The following OTOF variants were observed in gnomAD, a reference collection of about 807,000 sequenced individuals.
OTOF encodes the protein fer-1-like family member 2.
Under a neutral mutation model 236.8 loss-of-function variants are expected in OTOF, and 218 were observed. The ratio of observed to expected loss-of-function variants is 0.92; its 90% CI spans 0.82 to 1.03. The LOEUF is 1.03. Among genes scored for constraint, OTOF ranks in the 50% least tolerant of loss-of-function variants. The pLI, the probability that OTOF is intolerant of heterozygous loss-of-function variation, is 0.00. For synonymous variants in OTOF, 1,041 were observed against 1,072.5 expected (o/e 0.97, Z 0.57); for missense variants, 2,590 against 2,694.4 (o/e 0.96, Z 0.86).
In OTOF at chr2:26,476,113, G is replaced by C; in HGVS notation, c.2866+15C>G. On this transcript the variant is annotated intron_variant, in intron 23 of 46. Coordinates refer to ENST00000272371, the MANE Select transcript of OTOF (RefSeq NM_194248.3). Reference sequence around the variant, plus strand: ...CCCTCCCAGGTGAGGCTTCGAGTGAGGGGTCCTCACTCACTGGTGTAGACC... The same window carrying C: ...CCCTCCCAGGTGAGGCTTCGAGTGACGGGTCCTCACTCACTGGTGTAGACC... 6.2e-7 allele frequency: 1 copy of C among 1,611,260 alleles called. No individual in the cohort carries two copies. Among genetic ancestry groups the C allele is most frequent in the Non-Finnish European group, 8.5e-7 (1 of 1,179,418 alleles).
chr2:26,491,867 G>A (rs921025317), intron 9 of OTOF, among the ~76,000 whole-genome samples: 4 of 152,244 alleles, frequency 2.6e-5, no homozygotes, highest in African/African-American at 7.2e-5. Flanking sequence ...CCAGAATCCC[G>A]AACTCTCTGA....
chr2:26,458,010 T>G lies in OTOF; in HGVS notation c.*228A>C. 6.2e-7 allele frequency: 1 copy of G among 1,603,400 alleles called. No individual in the cohort carries two copies. Among genetic ancestry groups the G allele is most frequent in the African/African-American group, 1.3e-5 (1 of 74,802 alleles). The stretch of plus-strand genomic sequence containing the variant: ...CCACTGAAAGGAAATGCGGCAGGGC[T>G]GGGGAGCGGCTGGCGGGAGCTGGCG... On this transcript the variant is annotated 3_prime_UTR_variant, in exon 47 of 47. Transcript: ENST00000272371.
intron 3 of OTOF, among the ~76,000 whole-genome samples, chr2:26,520,636 A>G (rs1033867602): frequency 1.1e-4 from 17 of 152,060 alleles, no homozygotes; most frequent in African/African-American, 4.1e-4. Flanking sequence ...AGCTGCATGC[A>G]CCTCTCCCAG....
In OTOF at chr2:26,461,558, G is replaced by A. The variant is rs1034752110; in HGVS notation, c.5533+138C>T. 12 of 1,213,882 alleles carry A rather than the reference G, an allele frequency of 9.9e-6. No individual in the cohort carries two copies. Among genetic ancestry groups the A allele is most frequent in the African/African-American group, 7.5e-5 (5 of 66,970 alleles). The allele number at this position is 1,213,882 out of a possible 1,614,324, so 75.2% of individuals were successfully genotyped here. On this transcript the variant is annotated intron_variant, in intron 43 of 46. Transcript: ENST00000272371. The surrounding 1 kb of genome is among the most constrained non-coding windows in gnomAD (Gnocchi z 6.2). ...GGGTCCTTGGGGGCGGAACCCCGTCGGACACCCCTGGCTCTGATGGACTGG... is the reference window on the plus strand; with the variant it reads ...GGGTCCTTGGGGGCGGAACCCCGTCAGACACCCCTGGCTCTGATGGACTGG...
At chr2:26,505,605 G>A (rs749034934) in intron 5 of OTOF, among the ~76,000 whole-genome samples, 4 of 152,204 alleles carry the variant, frequency 2.6e-5, no homozygotes, top group Admixed American at 6.5e-5. Flanking sequence ...CTCAGAGAGG[G>A]GACAATAATC....
Position 26,470,341 on chromosome 2 carries a change from A to G in OTOF, c.4023+252T>C, listed in dbSNP as rs1664915535. Among the ~76,000 whole-genome samples, 2 of 152,110 alleles carry G rather than the reference A, an allele frequency of 1.3e-5. No homozygotes were observed. The highest frequency in any genetic ancestry group is 2.9e-5 in the Non-Finnish European group (2 of 68,028). On this transcript the variant is annotated intron_variant, in intron 32 of 46. Coordinates refer to ENST00000272371, the MANE Select transcript of OTOF (RefSeq NM_194248.3). The surrounding 1 kb of genome is among the most constrained non-coding windows in gnomAD (Gnocchi z 4.3). ...TAGCACCTAGTATGGAGCCTGGCTC[A>G]TCGCATATACCCAAGAGGCATTTGT...
chr2:26,473,396 C>T lies in OTOF; in HGVS notation c.3570+10G>A. ...GCCACAGGATGTCCTCCGCCAGGGC[C>T]TGCACTCACCACTTCAAACCACTTG... On this transcript the variant is annotated intron_variant, in intron 28 of 46. Transcript: ENST00000272371. The surrounding 1 kb of genome is among the most constrained non-coding windows in gnomAD (Gnocchi z 7.2). 1 of 1,613,384 alleles carries T rather than the reference C, an allele frequency of 6.2e-7. No individual in the cohort carries two copies. The highest frequency in any genetic ancestry group is 8.5e-7 in the Non-Finnish European group (1 of 1,179,990).
Position 26,470,795 on chromosome 2 carries a change from C to A in OTOF, c.3895-74G>T, listed in dbSNP as rs1664938932. On this transcript the variant is annotated intron_variant, in intron 31 of 46. Coordinates refer to ENST00000272371, the MANE Select transcript of OTOF (RefSeq NM_194248.3). The surrounding 1 kb of genome is among the most constrained non-coding windows in gnomAD (Gnocchi z 4.3). ...ACAATCCCGAGAGCCTCCACCCATT[C>A]CGCCATCTGTCAGCAGGAAGCCTTG... The A allele has an allele frequency of 3.8e-6, 6 of 1,574,320 alleles. No homozygotes were observed. The highest frequency in any genetic ancestry group is 5.2e-6 in the Non-Finnish European group (6 of 1,164,802).
chr2:26,510,632 C>T (rs939817), intron 5 of OTOF: 386,366 of 1,036,614 alleles, frequency 0.37, 74,882 homozygotes, highest in East Asian at 0.8. Context: ...ATCCCGCCCT[C>T]CACAGCCTGT....
intron 12 of OTOF, 34 bp downstream of exon 12, chr2:26,484,440 T>TC: frequency 6.2e-7 from 1 of 1,612,972 alleles, no homozygotes; most frequent in Non-Finnish European, 8.5e-7. Flanking sequence ...AAGGGCTGGC[T>TC]CAGACTCCAG....
rs1264410147 is a variant in OTOF at position 26,527,825 on chromosome 2, C to T, written c.227+7G>A. ...GCCCAGCCCCTCCTGCCCCATCCCA[C>T]ACTTACTTGTTGCTGAAGACTTTGC... On this transcript the variant is annotated splice_region_variant and intron_variant, in intron 3 of 46. Transcript: ENST00000272371. The T allele has an allele frequency of 6.2e-7, 1 of 1,605,142 alleles. No homozygotes were observed. Among genetic ancestry groups the T allele is most frequent in the African/African-American group, 1.3e-5 (1 of 74,750 alleles).
At chr2:26,481,334 G>A (rs902879903) in intron 14 of OTOF, among the ~76,000 whole-genome samples, 1 of 152,160 alleles carries the variant, frequency 6.6e-6, no homozygotes, top group Non-Finnish European at 1.5e-5. Context: ...CATGACCTTG[G>A]GCCCTGTGCC....
In OTOF at chr2:26,475,786, C is replaced by T. The variant is rs191148290; in HGVS notation, c.2991+128G>A. On this transcript the variant is annotated intron_variant, in intron 24 of 46. Transcript: ENST00000272371. ...ATCTGCAGGGCTTCCCCTGAGAAAC[C>T]GGGGCACTGGCTGACCTGTGGCTCC... The T allele has an allele frequency of 7.9e-4, 986 of 1,244,030 alleles. 13 individuals carry two copies. In the East Asian group the frequency reaches 0.02, roughly 25 times the overall value. The allele number at this position is 1,244,030 out of a possible 1,614,324, so 77.1% of individuals were successfully genotyped here.
In OTOF at chr2:26,474,038, G is replaced by A. The variant is rs1170161698; in HGVS notation, c.3361C>T (p.Pro1121Ser). 6.2e-7 allele frequency: 1 copy of A among 1,613,034 alleles called. No individual in the cohort carries two copies. The highest frequency in any genetic ancestry group is 1.7e-5 in the Admixed American group (1 of 60,010). ...PVDVDRGPIM[P>S]VPMGIRPVLS... ...ACGGGCCGGATGCCCATGGGCACGG[G>A]CATGATGGGACCTCGGTCCACGTCC... Residue 1121 changes from proline to serine, a missense_variant, in exon 27 of 47, where the codon CCC becomes TCC. Transcript: ENST00000272371.
rs1361978056 is a variant in OTOF at position 26,477,379 on chromosome 2, C to G, written c.2406+37G>C. On this transcript the variant is annotated intron_variant, in intron 20 of 46. Coordinates refer to ENST00000272371, the MANE Select transcript of OTOF (RefSeq NM_194248.3). The surrounding 1 kb of genome is among the most constrained non-coding windows in gnomAD (Gnocchi z 4.7). ...TTGTGACACCTTCTCACAACCAGGC[C>G]CTCCCTCCAGCCCCCGCCGTCCAGT... The G allele has an allele frequency of 1.4e-5, 22 of 1,569,172 alleles. No homozygotes were observed. The highest frequency in any genetic ancestry group is 1.8e-5 in the Non-Finnish European group (21 of 1,155,568).
rs111706333 is a variant in OTOF, at chr2:26,477,305, G to A, written c.2407-17C>T. On this transcript the variant is annotated splice_polypyrimidine_tract_variant and intron_variant, in intron 20 of 46. Coordinates refer to ENST00000272371, the MANE Select transcript of OTOF (RefSeq NM_194248.3). The surrounding 1 kb of genome is among the most constrained non-coding windows in gnomAD (Gnocchi z 4.7). ...CATGTTTTCCTGCGAAGGAGGGGGTGTCAGTGAACCCAGCAACTGGGGGAC... is the reference window on the plus strand; with the variant it reads ...CATGTTTTCCTGCGAAGGAGGGGGTATCAGTGAACCCAGCAACTGGGGGAC... The A allele has an allele frequency of 1.2e-4, 197 of 1,606,646 alleles. No individual in the cohort carries two copies. The African/African-American group carries it at 2.1e-3, about 17-fold the overall frequency.
At chr2:26,541,122 G>A (rs994661638) in intron 1 of OTOF, among the ~76,000 whole-genome samples, 14 of 152,220 alleles carry the variant, frequency 9.2e-5, no homozygotes, top group African/African-American at 3.1e-4. Flanking sequence ...CTGTCCTCCG[G>A]GGTCTCTTGG....
At chr2:26,532,187 C>G (rs916121199) in intron 2 of OTOF, among the ~76,000 whole-genome samples, 1 of 151,400 alleles carries the variant, frequency 6.6e-6, no homozygotes, top group East Asian at 1.9e-4. Context: ...AGCACATTTA[C>G]CCATAACCAA....
intron 9 of OTOF, among the ~76,000 whole-genome samples, chr2:26,490,597 G>A (rs566708589): frequency 7.2e-4 from 110 of 152,302 alleles, no homozygotes; most frequent in Non-Finnish European, 1.2e-3. Flanking sequence ...GTAAATGTCC[G>A]AAGAGAACGT....
Sources: gnomAD v4.1 joint callset for allele counts (sites outside exome capture counted in the v4.1 genomes callset) on GRCh38, gnomAD v4.1.1 for gene constraint, Gnocchi (gnomAD v3.1) non-coding constraint, MANE v1.5 for transcripts, NCBI Gene and HGNC (gene_info 2026-07-23, HGNC 2026-07-21) for gene names.